KIF26A: variants seen among roughly 807,000 people sequenced by gnomAD.
The protein encoded by KIF26A is kinesin-like protein KIF26A.
KIF26A carries 74 observed loss-of-function variants against 126.0 expected under a neutral mutation model. That is an observed-to-expected ratio of 0.59 (90% CI 0.49 to 0.71). The LOEUF (loss-of-function observed/expected upper bound fraction) is 0.71, where lower values mean the gene tolerates loss of function less well. Among genes scored for constraint, KIF26A ranks in the 30% least tolerant of loss-of-function variants. The probability of loss-of-function intolerance (pLI) is 0.00; values close to 1 mark genes in which losing one functional copy is unlikely to be tolerated. For missense variants in KIF26A, 2,984 were observed against 2,763.3 expected (o/e 1.08, Z -1.79); for synonymous variants, 1,445 against 1,232.7 (o/e 1.17, Z -3.61).
Position 104,175,921 on chromosome 14 carries a change from C to G in KIF26A, c.3133C>G (p.Leu1045Val). ...GGTGGAGGAGCTGTCCCTGGGGGCG[C>G]TTGCCGGAGCTGGGCGGCCCACCAG... ...TVVEELSLGALAGAGRPTSLA... is the reference protein window; with the variant it reads ...TVVEELSLGAVAGAGRPTSLA... The change falls in exon 12 of 15, where the codon CTT (leucine) becomes GTT (valine). Residue 1045 changes from leucine to valine, a missense_variant. Physicochemically the swap from Leu to Val is conservative, Grantham distance 32. Transcript: ENST00000423312. 2 of 1,549,860 alleles carry G rather than the reference C, an allele frequency of 1.3e-6. No individual in the cohort carries two copies. The highest frequency in any genetic ancestry group is 1.7e-6 in the Non-Finnish European group (2 of 1,153,186).
intron 2 of KIF26A, among the ~76,000 whole-genome samples, chr14:104,147,206 C>T (rs766541946): frequency 1.3e-5 from 2 of 152,188 alleles, no homozygotes; most frequent in Non-Finnish European, 2.9e-5. Context: ...CCGGGGCCAT[C>T]CTTGCCTGTC....
Position 104,175,926 on chromosome 14 carries a change from C to A in KIF26A, c.3138C>A (p.Ala1046=), listed in dbSNP as rs757523332. 3.9e-6 allele frequency: 6 copies of A among 1,552,210 alleles called. No individual in the cohort carries two copies. In the East Asian group the frequency reaches 1.4e-4, roughly 37 times the overall value. The change falls in exon 12 of 15, where the codon GCC becomes GCA. Residue 1046 remains alanine (A), a synonymous_variant. Coordinates refer to ENST00000423312, the MANE Select transcript of KIF26A (RefSeq NM_015656.2). The part of the protein sequence containing the change: ...VVEELSLGAL[A]GAGRPTSLAS... ...AGGAGCTGTCCCTGGGGGCGCTTGC[C>A]GGAGCTGGGCGGCCCACCAGCCTGG...
Position 104,152,480 on chromosome 14 carries a change from G to T in KIF26A, c.735+19G>T. 5 of 1,528,770 alleles carry T rather than the reference G, an allele frequency of 3.3e-6. No individual in the cohort carries two copies. The highest frequency in any genetic ancestry group is 4.4e-6 in the Non-Finnish European group (5 of 1,140,450). The allele number at this position is 1,528,770 out of a possible 1,614,324, so 94.7% of individuals were successfully genotyped here. A position where few individuals can be genotyped will look rare whatever the true frequency, so the allele number is the denominator to read the frequency against. ...GTGCCTGGTGAGTGTCTTGCTCAGC[G>T]GATGGGAGCTGCTGGCCTCCTTGTC... On this transcript the variant is annotated intron_variant, in intron 3 of 14. Transcript: ENST00000423312. This position sits in a 1 kb window ranked among gnomAD's most constrained non-coding sequence, Gnocchi z 5.9.
chr14:104,169,448 C>A (rs1333000282), intron 5 of KIF26A, among the ~76,000 whole-genome samples: 1 of 152,206 alleles, frequency 6.6e-6, no homozygotes, highest in African/African-American at 2.4e-5. Flanking sequence ...CCCTTCTCTC[C>A]ATGGCAGTCA....
chr14:104,158,968 A>T (rs1181460521), intron 4 of KIF26A, among the ~76,000 whole-genome samples: 1 of 152,236 alleles, frequency 6.6e-6, no homozygotes, highest in African/African-American at 2.4e-5. Flanking sequence ...TTGAACATGC[A>T]TCACACCCAG....
At position 104,175,366 on chromosome 14, in the gene KIF26A, G is replaced by A. The variant is rs778194878; in HGVS notation, c.2578G>A (p.Gly860Ser). Reference sequence around the variant, plus strand: ...GGACGGCAACGAGGGTCCCTCAGGAGGTCCAGGTGGCACCGACGGAGCTCA... The same window carrying A: ...GGACGGCAACGAGGGTCCCTCAGGAAGTCCAGGTGGCACCGACGGAGCTCA... ...CMDGNEGPSG[G>S]PGGTDGAQAS... Residue 860 changes from glycine to serine, a missense_variant, in exon 12 of 15, where the codon GGT becomes AGT. Transcript: ENST00000423312. 13 of 1,600,658 alleles carry A rather than the reference G, an allele frequency of 8.1e-6. No individual in the cohort carries two copies. Among genetic ancestry groups the A allele is most frequent in the Non-Finnish European group, 1.1e-5 (13 of 1,178,036 alleles).
At chr14:104,147,070 C>T (rs761100652) in intron 2 of KIF26A, among the ~76,000 whole-genome samples, 19 of 152,234 alleles carry the variant, frequency 1.2e-4, no homozygotes, top group African/African-American at 4.3e-4. Flanking sequence ...TTGGTTCACC[C>T]GGTGACTGCA....
In KIF26A at chr14:104,172,584, T is replaced by A; in HGVS notation, c.1336T>A (p.Cys446Ser). The change falls in exon 7 of 15, where the codon TGC becomes AGC. Residue 446 changes from cysteine (C) to serine (S), a missense_variant. By Grantham distance (112) the Cys-to-Ser change is moderately radical. Coordinates refer to ENST00000423312, the MANE Select transcript of KIF26A (RefSeq NM_015656.2). ...TCTCTTGCCCCCCTAGGCCGAAGTC[T>A]GCTCGGGGACCGTGGCCGACGTGCT... ...FPQDSEQAEVCSGTVADVLQS... is the reference protein window; with the variant it reads ...FPQDSEQAEVSSGTVADVLQS... The A allele has an allele frequency of 6.2e-7, 1 of 1,612,700 alleles. No homozygotes were observed. The highest frequency in any genetic ancestry group is 8.5e-7 in the Non-Finnish European group (1 of 1,179,548).
Position 104,175,683 on chromosome 14 carries a change from A to C in KIF26A, c.2895A>C (p.Pro965=), listed in dbSNP as rs943193995. ...PPQLLEACRA[P]EEPGGGGTDG... Reference sequence around the variant, plus strand: ...AGTTGCTGGAAGCCTGCAGAGCCCCAGAAGAGCCTGGGGGAGGGGGCACTG... The same window carrying C: ...AGTTGCTGGAAGCCTGCAGAGCCCCCGAAGAGCCTGGGGGAGGGGGCACTG... The change falls in exon 12 of 15, where the codon CCA becomes CCC. Residue 965 remains proline, a synonymous_variant. Transcript: ENST00000423312. The C allele has an allele frequency of 6.2e-7, 1 of 1,605,062 alleles. No homozygotes were observed. Among genetic ancestry groups the C allele is most frequent in the South Asian group, 1.1e-5 (1 of 89,710 alleles).
Position 104,139,279 on chromosome 14 carries a change from C to T in KIF26A, c.279C>T (p.Thr93=), listed in dbSNP as rs1209523169. ...QAWKLVSGPG[T]TLRDPCLSAL... is the part of the protein sequence containing the mutation. ...GGAAGCTGGTCAGCGGGCCCGGGAC[C>T]ACCCTCCGGGTAAGTGACACTTCCT... is the stretch of plus-strand genomic sequence containing the variant. Residue 93 remains threonine, a synonymous_variant, in exon 2 of 15, where the codon ACC becomes ACT. Coordinates refer to ENST00000423312, the MANE Select transcript of KIF26A (RefSeq NM_015656.2). 4 of 1,513,276 alleles carry T rather than the reference C, an allele frequency of 2.6e-6. No individual in the cohort carries two copies. The East Asian group carries it at 7.7e-5, about 29-fold the overall frequency. The allele number at this position is 1,513,276 out of a possible 1,614,324, so 93.7% of individuals were successfully genotyped here.
At chr14:104,154,341 A>C (rs12147202) in intron 3 of KIF26A, among the ~76,000 whole-genome samples, 77,927 of 152,050 alleles carry the variant, frequency 0.51, 20,140 homozygotes, top group Non-Finnish European at 0.55. Flanking sequence ...GAGGCTTGGC[A>C]GGGGATGCTG....
chr14:104,174,250 G>C lies in KIF26A; in HGVS notation c.2133G>C (p.Glu711Asp). ...CGGATGCGCCAGCCCAGCACGCAGAGACACTCAGCACCGTGCAGCTCGCCG... is the reference window on the plus strand; with the variant it reads ...CGGATGCGCCAGCCCAGCACGCAGACACACTCAGCACCGTGCAGCTCGCCG... ...HVSDAPAQHA[E>D]TLSTVQLAAR... The change falls in exon 11 of 15, where the codon GAG becomes GAC. Residue 711 changes from glutamate to aspartate, a missense_variant. Glu to Asp is a conservative substitution (Grantham distance 45). Coordinates refer to ENST00000423312, the MANE Select transcript of KIF26A (RefSeq NM_015656.2). The C allele has an allele frequency of 5.7e-6, 9 of 1,577,700 alleles. No individual in the cohort carries two copies. The highest frequency in any genetic ancestry group is 7.7e-6 in the Non-Finnish European group (9 of 1,163,554).
At chr14:104,166,749 G>A (rs2037907612) in intron 4 of KIF26A, 110 bp from the exon 5 acceptor site, 11 of 1,067,058 alleles carry the variant, frequency 1.0e-5, no homozygotes, top group Non-Finnish European at 1.4e-5. Flanking sequence ...GGTTTCCTGG[G>A]ATGGTGGCTG....
intron 3 of KIF26A, among the ~76,000 whole-genome samples, chr14:104,153,010 A>G (rs1230121653): frequency 6.6e-6 from 1 of 152,120 alleles, no homozygotes; most frequent in Non-Finnish European, 1.5e-5. Flanking sequence ...TAGTCACCAC[A>G]CAGCGACCAG....
rs1410088612 is a variant in KIF26A at position 104,148,663 on chromosome 14, GA to G, written c.289-3351del. Among the ~76,000 whole-genome samples the G allele has an allele frequency of 2.0e-5, 3 of 149,164 alleles. No individual in the cohort carries two copies. Among genetic ancestry groups the G allele is most frequent in the African/African-American group, 2.5e-5 (1 of 40,716 alleles). On this transcript the variant is annotated intron_variant, in intron 2 of 14. Coordinates refer to ENST00000423312, the MANE Select transcript of KIF26A (RefSeq NM_015656.2). The surrounding 1 kb of genome is among the most constrained non-coding windows in gnomAD (Gnocchi z 4.3). ...GCGGTGGGGGCTGTGCGTGGCCGGGGAGGGGGAGGGGGAGGGGAGGGGCAGG... is the reference window on the plus strand; with the variant it reads ...GCGGTGGGGGCTGTGCGTGGCCGGGGGGGGGAGGGGGAGGGGAGGGGCAGG...
Position 104,174,329 on chromosome 14 carries a change from C to G in KIF26A, c.2193+19C>G, listed in dbSNP as rs2037993429. ...GGCCAAGGTGCTCCCCACCTCCTGC[C>G]CGCCCCATCTCGGGGCCGTCTCGGC... On this transcript the variant is annotated intron_variant, in intron 11 of 14. Transcript: ENST00000423312. The G allele has an allele frequency of 6.6e-7, 1 of 1,508,720 alleles. No individual in the cohort carries two copies. Among genetic ancestry groups the G allele is most frequent in the East Asian group, 2.5e-5 (1 of 39,362 alleles). 93.5% of individuals were successfully genotyped at this position (1,508,720 alleles called of 1,614,324 possible).
At position 104,174,347 on chromosome 14, in the gene KIF26A, G is replaced by A. The variant is rs530472594; in HGVS notation, c.2193+37G>A. The A allele has an allele frequency of 7.9e-5, 117 of 1,482,332 alleles. No homozygotes were observed. The East Asian group carries it at 9.3e-4, about 12-fold the overall frequency. 91.8% of individuals were successfully genotyped at this position (1,482,332 alleles called of 1,614,324 possible). A position where few individuals can be genotyped will look rare whatever the true frequency, so the allele number is the denominator to read the frequency against. ...CTCCTGCCCGCCCCATCTCGGGGCCGTCTCGGCTCCTGTGTCCACTGCAGG... is the reference window on the plus strand; with the variant it reads ...CTCCTGCCCGCCCCATCTCGGGGCCATCTCGGCTCCTGTGTCCACTGCAGG... On this transcript the variant is annotated intron_variant, in intron 11 of 14. Coordinates refer to ENST00000423312, the MANE Select transcript of KIF26A (RefSeq NM_015656.2).
chr14:104,147,987 G>A (rs1019247018), intron 2 of KIF26A, among the ~76,000 whole-genome samples: 4 of 152,200 alleles, frequency 2.6e-5, no homozygotes, highest in Non-Finnish European at 5.9e-5. Flanking sequence ...ATGGCGTGGC[G>A]TCTCTGAACT....
At chr14:104,162,975 C>T (rs1479531680) in intron 4 of KIF26A, among the ~76,000 whole-genome samples, 1 of 152,234 alleles carries the variant, frequency 6.6e-6, no homozygotes, top group African/African-American at 2.4e-5. Context: ...CACCAGGCAG[C>T]AGGGTGGGGT....
Sources: gnomAD v4.1 joint callset for allele counts (sites outside exome capture counted in the v4.1 genomes callset) on GRCh38, gnomAD v4.1.1 for gene constraint, Gnocchi (gnomAD v3.1) non-coding constraint, MANE v1.5 for transcripts, NCBI Gene and HGNC (gene_info 2026-07-23, HGNC 2026-07-21) for gene names.